Variants in STK3 observed in about 807,000 individuals in gnomAD.
STK3 encodes serine/threonine-protein kinase 3.
STK3 carries 41 observed loss-of-function variants against 58.0 expected under a neutral mutation model. The ratio of observed to expected loss-of-function variants is 0.71; its 90% CI spans 0.55 to 0.92. The LOEUF (loss-of-function observed/expected upper bound fraction) is 0.92. STK3 is among the 40% of genes least tolerant of loss of function. The pLI is 0.00. For synonymous variants in STK3, 170 were observed against 191.0 expected, an observed-to-expected ratio of 0.89 and a Z score of 0.91; for missense variants, 479 against 602.7, an observed-to-expected ratio of 0.79 and a Z score of 2.15.
intron 3 of STK3, among the ~76,000 whole-genome samples, chr8:98,753,953 A>C (rs967750424): frequency 1.3e-5 from 2 of 152,192 alleles, no homozygotes; most frequent in Non-Finnish European, 2.9e-5. Flanking sequence ...AAAGTAAAAC[A>C]AGCTGATCAT....
At chr8:98,383,206 T>C (rs571574254) in intron 1 of STK3, among the ~76,000 whole-genome samples, 3 of 152,238 alleles carry the variant, frequency 2.0e-5, no homozygotes, top group Non-Finnish European at 4.4e-5. Flanking sequence ...TCCTGGGAGA[T>C]AGGCAATTCT....
intron 1 of STK3, among the ~76,000 whole-genome samples, chr8:98,932,165 G>C (rs1840025722): frequency 6.6e-6 from 1 of 152,150 alleles, no homozygotes; most frequent in Non-Finnish European, 1.5e-5. Flanking sequence ...TTGGGAGCAA[G>C]TGAGAAGCCA....
intron 3 of STK3, among the ~76,000 whole-genome samples, chr8:98,408,612 G>C (rs372322772): frequency 3.7e-4 from 56 of 152,274 alleles, no homozygotes; most frequent in African/African-American, 1.3e-3. Context: ...CTCTTAAAGC[G>C]TTTAAGAGAG....
At chr8:98,540,034 G>A (rs529337896) in intron 9 of STK3, among the ~76,000 whole-genome samples, 1 of 152,222 alleles carries the variant, frequency 6.6e-6, no homozygotes, top group East Asian at 1.9e-4. Context: ...GATTACAGGC[G>A]TGAGCCACTG....
intron 6 of STK3, among the ~76,000 whole-genome samples, chr8:98,689,708 G>A (rs1824255642): frequency 6.6e-6 from 1 of 152,100 alleles, no homozygotes; most frequent in Non-Finnish European, 1.5e-5. Context: ...ACCTGAGCCT[G>A]TGAGGTCAAG....
chr8:98,586,123 C>T (rs1277165854), intron 7 of STK3, among the ~76,000 whole-genome samples: 2 of 152,002 alleles, frequency 1.3e-5, no homozygotes, highest in Non-Finnish European at 2.9e-5. Context: ...GCCAGAACTT[C>T]CAACACTATG....
chr8:98,415,902 G>C (rs1367749219), intron 3 of STK3, among the ~76,000 whole-genome samples: 1 of 152,196 alleles, frequency 6.6e-6, no homozygotes, highest in African/African-American at 2.4e-5. Flanking sequence ...GAGACAGCCA[G>C]TCCCCCTCAA....
chr8:98,937,301 G>A (rs994720472), intron 1 of STK3, among the ~76,000 whole-genome samples: 7 of 152,174 alleles, frequency 4.6e-5, no homozygotes, highest in African/African-American at 1.7e-4. Flanking sequence ...TGAAGCTACA[G>A]TGGAATTATC....
chr8:98,915,000 C>T (rs1400563667), intron 1 of STK3, among the ~76,000 whole-genome samples: 2 of 152,302 alleles, frequency 1.3e-5, no homozygotes, highest in Middle Eastern at 3.4e-3. Context: ...TAAGCACTGT[C>T]TCTGAGCTTT....
intron 10 of STK3, among the ~76,000 whole-genome samples, chr8:98,467,732 T>C (rs1192362055): frequency 6.6e-6 from 1 of 152,166 alleles, no homozygotes; most frequent in East Asian, 1.9e-4. Context: ...TTTATTTCAA[T>C]AATAAGGGGC....
At chr8:98,640,123 G>T (rs1344621986) in intron 6 of STK3, among the ~76,000 whole-genome samples, 1 of 151,924 alleles carries the variant, frequency 6.6e-6, no homozygotes, top group Non-Finnish European at 1.5e-5. Flanking sequence ...GCGCGATCAC[G>T]GCTCACTGCA....
rs61706467 is a variant in STK3 at position 98,941,189 on chromosome 8, C to T, written c.-79+1189G>A. Among the ~76,000 whole-genome samples, 232 of 152,388 alleles carry T rather than the reference C, an allele frequency of 1.5e-3. 1 individual carries two copies. Among genetic ancestry groups the T allele is most frequent in the African/African-American group, 5.4e-3 (224 of 41,598 alleles). ...CGCGGCTGCGCTTTCCCACCTCAGC[C>T]CTGCTGAGAGCACGGGCGCTGACGC... On this transcript the variant is annotated intron_variant, in intron 1 of 1. Coordinates refer to the STK3 transcript ENST00000519420.
intron 3 of STK3, chr8:98,431,990 A>G (rs952105060): frequency 3.0e-5 from 5 of 167,068 alleles, no homozygotes; most frequent in African/African-American, 1.2e-4. Context: ...GCTGGCTTAA[A>G]CCCTGGAGCT....
At chr8:98,349,802 A>G in the STK3 span, among the ~76,000 whole-genome samples, 59 of 152,166 alleles carry the variant, frequency 3.9e-4, no homozygotes, top group Non-Finnish European at 8.2e-4. Context: ...TGGCTGGAGC[A>G]GCTGGGACAC....
intron 8 of STK3, among the ~76,000 whole-genome samples, chr8:98,577,473 C>T (rs776038309): frequency 5.9e-5 from 9 of 152,042 alleles, no homozygotes; most frequent in Admixed American, 1.3e-4. Flanking sequence ...GGCAACAGAA[C>T]GAGACTCGGT....
At chr8:98,413,815 C>T (rs1026916907) in intron 3 of STK3, 3 of 599,748 alleles carry the variant, frequency 5.0e-6, no homozygotes, top group African/African-American at 3.7e-5. Flanking sequence ...TCAGGGTTCA[C>T]CCACAAACCC....
Position 98,782,386 on chromosome 8 carries a change from A to G in STK3, c.27-7567T>C, listed in dbSNP as rs61748298. On this transcript the variant is annotated intron_variant, in intron 1 of 10. Transcript: ENST00000419617. ...AGATACTGTGAATCTAAAAAGACTG[A>G]TCGCCACATGTATCACAGCCTGTAC... 8.5e-3 allele frequency: 1,912 copies of G among 224,276 alleles called. 24 individuals carry two copies. The highest frequency in any genetic ancestry group is 0.012 in the Non-Finnish European group (1,252 of 108,340). The allele number at this position is 224,276 out of a possible 1,614,324, so 13.9% of individuals were successfully genotyped here.
chr8:98,505,187 A>G (rs1183358513), intron 10 of STK3, among the ~76,000 whole-genome samples: 1 of 152,110 alleles, frequency 6.6e-6, no homozygotes, highest in Non-Finnish European at 1.5e-5. Context: ...CGAATAGGCT[A>G]TTGAAGCTTG....
At chr8:98,355,528 G>A in the STK3 span, among the ~76,000 whole-genome samples, 2 of 152,224 alleles carry the variant, frequency 1.3e-5, no homozygotes, top group Admixed American at 1.3e-4. Flanking sequence ...CAACTGCTGG[G>A]GGCATCTCTA....
Sources: allele counts gnomAD v4.1 joint callset (sites outside exome capture counted in the v4.1 genomes callset), GRCh38; gene constraint gnomAD v4.1.1; transcripts MANE v1.5; gene names NCBI Gene and HGNC (gene_info 2026-07-23, HGNC 2026-07-21).